UNC79: variants seen among roughly 807,000 people sequenced by gnomAD.
UNC79 encodes unc-79 subunit of NALCN channel complex.
In UNC79, 37 loss-of-function variants were observed where a neutral mutation model predicts 283.1. That is an observed-to-expected ratio of 0.13 (90% confidence interval 0.10 to 0.17). UNC79 has a LOEUF of 0.17. UNC79 is among the 10% of genes least tolerant of loss of function. UNC79 has a pLI of 1.00. For missense variants in UNC79, 2,272 were observed against 3,211.1 expected, an observed-to-expected ratio of 0.71 and a Z score of 7.07; for synonymous variants, 1,107 against 1,200.2, an observed-to-expected ratio of 0.92 and a Z score of 1.61.
rs191809272 is a variant in UNC79 at position 93,342,511 on chromosome 14, A to G, written c.-351+8988A>G. 5.9e-5 allele frequency among the ~76,000 whole-genome samples: 9 copies of G among 152,306 alleles called. No individual in the cohort carries two copies. In the East Asian group the frequency reaches 1.7e-3, roughly 29 times the overall value. ...TGTGAGGATCTCTGAAATACCCTGG[A>G]GACATTTTCCTCATTGTCTTGGCCA... On this transcript the variant is annotated intron_variant, in intron 1 of 49. Transcript: ENST00000256339.
At chr14:93,425,454 T>G (rs2055705476), upstream of UNC79, among the ~76,000 whole-genome samples, 1 of 152,226 alleles carries the variant, frequency 6.6e-6, no homozygotes, top group African/African-American at 2.4e-5. Flanking sequence ...GAACAAGCAC[T>G]GGTGGGAGGA....
At chr14:93,705,025 A>G (rs971639906) in intron 48 of UNC79, among the ~76,000 whole-genome samples, 1 of 152,144 alleles carries the variant, frequency 6.6e-6, no homozygotes, top group African/African-American at 2.4e-5. Context: ...GCTTGAGGCC[A>G]GAAGTTGGAG....
intron 1 of UNC79, among the ~76,000 whole-genome samples, chr14:93,385,554 G>A (rs777005097): frequency 5.3e-4 from 81 of 152,074 alleles, no homozygotes; most frequent in African/African-American, 1.7e-3. Flanking sequence ...CGAGGTGGGC[G>A]GATCACTTGA....
intron 1 of UNC79, among the ~76,000 whole-genome samples, chr14:93,358,642 T>A (rs1200289549): frequency 6.6e-6 from 1 of 152,206 alleles, no homozygotes; most frequent in African/African-American, 2.4e-5. Context: ...CTGGAGACAC[T>A]GAGCTTGTAA....
At chr14:93,682,367 T>C (rs1249120489) in intron 41 of UNC79, among the ~76,000 whole-genome samples, 2 of 152,196 alleles carry the variant, frequency 1.3e-5, no homozygotes, top group Non-Finnish European at 2.9e-5. Context: ...TTATTTTTTC[T>C]TTGATTGAAT....
chr14:93,673,533 A>G, intron 41 of UNC79, 78 bp downstream of exon 44: 3 of 1,156,574 alleles, frequency 2.6e-6, no homozygotes, highest in Non-Finnish European at 3.8e-6. Flanking sequence ...TGTAGAGTGT[A>G]TGCATAGAAC....
intron 1 of UNC79, among the ~76,000 whole-genome samples, chr14:93,462,886 G>A (rs2057010778): frequency 6.6e-6 from 1 of 152,186 alleles, no homozygotes; most frequent in Admixed American, 6.5e-5. Flanking sequence ...AGATTCCCAA[G>A]TGGAGAAATT....
intron 11 of UNC79, among the ~76,000 whole-genome samples, chr14:93,535,410 C>T (rs1488182725): frequency 6.6e-6 from 1 of 152,160 alleles, no homozygotes; most frequent in Non-Finnish European, 1.5e-5. Flanking sequence ...AGTCGGTATT[C>T]CAGATATTAT....
At chr14:93,614,132 C>T (rs2066510361) in intron 27 of UNC79, among the ~76,000 whole-genome samples, 1 of 151,096 alleles carries the variant, frequency 6.6e-6, no homozygotes, top group South Asian at 2.1e-4. Flanking sequence ...ATACAATTTG[C>T]CATTTTAACA....
chr14:93,581,002 C>A (rs1371601708), intron 19 of UNC79, among the ~76,000 whole-genome samples: 1 of 152,044 alleles, frequency 6.6e-6, no homozygotes, highest in Non-Finnish European at 1.5e-5. Context: ...AGCCACCATG[C>A]CTGGCCAAAT....
At chr14:93,442,587 A>G (rs1455129021) in intron 1 of UNC79, among the ~76,000 whole-genome samples, 1 of 152,238 alleles carries the variant, frequency 6.6e-6, no homozygotes, top group African/African-American at 2.4e-5. Context: ...CAACTTATTC[A>G]TTATAAGTAC....
At position 93,694,558 on chromosome 14, in the gene UNC79, C is replaced by T. The variant is rs575979862; in HGVS notation, c.7548+146C>T. The T allele has an allele frequency of 2.3e-5, 17 of 739,884 alleles. No homozygotes were observed. In the Admixed American group the frequency reaches 3.1e-4, roughly 13 times the overall value. The allele number at this position is 739,884 out of a possible 1,614,324, so 45.8% of individuals were successfully genotyped here. A position where few individuals can be genotyped will look rare whatever the true frequency, so the allele number is the denominator to read the frequency against. On this transcript the variant is annotated intron_variant, in intron 47 of 48. Transcript: ENST00000555664. ...TCAGGCTCCTATAACAACCCTTTAC[C>T]AAATGGTTATTGCATTAATTTTGCT... is the stretch of plus-strand genomic sequence containing the variant.
At chr14:93,576,199 A>G (rs978150836) in intron 17 of UNC79, among the ~76,000 whole-genome samples, 8 of 152,210 alleles carry the variant, frequency 5.3e-5, no homozygotes, top group African/African-American at 7.2e-5. Flanking sequence ...TGTTCAGTGA[A>G]GTGAAGTGAT....
chr14:93,401,964 CAATGT>C (rs1360104522), intron 1 of UNC79, among the ~76,000 whole-genome samples: 2 of 152,062 alleles, frequency 1.3e-5, no homozygotes, highest in Non-Finnish European at 2.9e-5. Flanking sequence ...CAAGATTCCA[CAATGT>C]AATGTAATGG....
downstream of UNC79, chr14:93,707,063 AGCTTTCTT>A (rs1268600890): frequency 3.8e-6 from 3 of 785,464 alleles, no homozygotes; most frequent in African/African-American, 3.5e-5. Flanking sequence ...CCGAAAATGA[AGCTTTCTT>A]GCTACACATA....
At chr14:93,405,014 G>A (rs1461544640) in intron 1 of UNC79, among the ~76,000 whole-genome samples, 1 of 152,118 alleles carries the variant, frequency 6.6e-6, no homozygotes, top group Non-Finnish European at 1.5e-5. Flanking sequence ...CGGGAGGGGT[G>A]GTTCATGCCT....
intron 35 of UNC79, among the ~76,000 whole-genome samples, chr14:93,650,212 G>A (rs1255871013): frequency 7.2e-5 from 11 of 151,908 alleles, no homozygotes; most frequent in Admixed American, 7.2e-4. Context: ...TTTTCTTATT[G>A]AAGGACTTCT....
intron 40 of UNC79, 103 bp downstream of exon 43, chr14:93,662,817 T>C: frequency 2.6e-6 from 2 of 778,080 alleles, no homozygotes; most frequent in Non-Finnish European, 4.0e-6. Flanking sequence ...TGCTTCCATA[T>C]AGTTAAAAAT....
intron 26 of UNC79, among the ~76,000 whole-genome samples, chr14:93,607,710 C>T (rs1181752406): frequency 6.6e-6 from 1 of 152,198 alleles, no homozygotes; most frequent in African/African-American, 2.4e-5. Flanking sequence ...CCAAGTTCTG[C>T]CTCAGCCTGC....
Sources: gnomAD v4.1 joint callset for allele counts (sites outside exome capture counted in the v4.1 genomes callset) on GRCh38, gnomAD v4.1.1 for gene constraint, MANE v1.5 for transcripts, NCBI Gene and HGNC (gene_info 2026-07-23, HGNC 2026-07-21) for gene names.